Variants in CLEC9A observed in about 807,000 individuals in gnomAD.
The protein encoded by CLEC9A is C-type lectin domain containing 9A.
A neutral mutation model predicts 30.0 loss-of-function variants in CLEC9A; 24 were observed. The observed-to-expected ratio is 0.80, with a 90% CI of 0.58 to 1.13. The LOEUF is 1.13. Among genes scored for constraint, CLEC9A ranks in the 50% most tolerant of loss-of-function variants. CLEC9A has a pLI of 0.00. For missense variants in CLEC9A, 251 were observed against 280.9 expected (o/e 0.89, Z 0.76); for synonymous variants, 111 against 96.8 (o/e 1.15, Z -0.86).
intron 6 of CLEC9A, 90 bp from the exon 7 acceptor site, chr12:10,062,965 C>T (rs1198949300): frequency 8.7e-7 from 1 of 1,154,234 alleles, no homozygotes; most frequent in Admixed American, 2.7e-5. Flanking sequence ...GATTCAGCCT[C>T]ACTGAGGGTG....
At chr12:10,044,924 C>T (rs531748979) in intron 2 of CLEC9A, among the ~76,000 whole-genome samples, 1 of 152,292 alleles carries the variant, frequency 6.6e-6, no homozygotes, top group Admixed American at 6.5e-5. Context: ...TATTCCTTGT[C>T]CTCTCGTGAT....
At chr12:10,048,793 A>T (rs1400525324) in intron 2 of CLEC9A, among the ~76,000 whole-genome samples, 1 of 151,516 alleles carries the variant, frequency 6.6e-6, no homozygotes, top group African/African-American at 2.5e-5. Flanking sequence ...TCTCAAAGTC[A>T]TCCATGAGGG....
chr12:10,049,155 G>T (rs1333412644), intron 2 of CLEC9A, among the ~76,000 whole-genome samples: 1 of 151,002 alleles, frequency 6.6e-6, no homozygotes, highest in Non-Finnish European at 1.5e-5. Flanking sequence ...AAAAAAAAAG[G>T]TTTTTTTTTC....
rs1865993618 is a variant in CLEC9A at position 10,061,189 on chromosome 12, C to G, written c.235C>G (p.Leu79Val). 2 of 1,613,314 alleles carry G rather than the reference C, an allele frequency of 1.2e-6. No individual in the cohort carries two copies. The highest frequency in any genetic ancestry group is 2.2e-5 in the South Asian group (2 of 90,946). ...QEKLIQQERA[L>V]LNFTEWKRSC... ...AAAACTCATCCAACAAGAGAGGGCACTGCTAAACTTTACAGAATGGAAGAG... is the reference window on the plus strand; with the variant it reads ...AAAACTCATCCAACAAGAGAGGGCAGTGCTAAACTTTACAGAATGGAAGAG... Residue 79 changes from leucine to valine, a missense_variant, in exon 6 of 9, where the codon CTG becomes GTG. Coordinates refer to ENST00000355819, the MANE Select transcript of CLEC9A (RefSeq NM_207345.4).
chr12:10,052,889 G>A, intron 4 of CLEC9A, 111 bp downstream of exon 4: 1 of 1,252,076 alleles, frequency 8.0e-7, no homozygotes, highest in Non-Finnish European at 1.1e-6. Context: ...ATCTACCTAA[G>A]GGTACTGTAA....
chr12:10,052,878 A>C, intron 4 of CLEC9A, 100 bp downstream of exon 4: 3 of 1,328,994 alleles, frequency 2.3e-6, no homozygotes, highest in Non-Finnish European at 3.1e-6. Context: ...AATCCGAGAT[A>C]ATCTACCTAA....
chr12:10,047,696 A>G (rs1417421049), intron 2 of CLEC9A, among the ~76,000 whole-genome samples: 1 of 152,236 alleles, frequency 6.6e-6, no homozygotes, highest in Non-Finnish European at 1.5e-5. Context: ...TGCATATACA[A>G]GTGATATTTG....
intron 4 of CLEC9A, among the ~76,000 whole-genome samples, chr12:10,053,258 G>T (rs1337139496): frequency 6.6e-6 from 1 of 152,110 alleles, no homozygotes; most frequent in East Asian, 1.9e-4. Context: ...CAGACTTAGG[G>T]GATTAACAGA....
At chr12:10,063,602 C>G (rs1866016022) in intron 7 of CLEC9A, among the ~76,000 whole-genome samples, 1 of 151,962 alleles carries the variant, frequency 6.6e-6, no homozygotes, top group Non-Finnish European at 1.5e-5. Flanking sequence ...TTGTAATTAT[C>G]AAGAAAAAAC....
intron 5 of CLEC9A, among the ~76,000 whole-genome samples, chr12:10,060,033 A>C (rs1356878337): frequency 6.6e-6 from 1 of 152,278 alleles, no homozygotes; most frequent in East Asian, 1.9e-4. Flanking sequence ...CATGGCTAAA[A>C]TAACAATAAG....
intron 8 of CLEC9A, 72 bp from the exon 9 acceptor site, chr12:10,065,428 T>G (rs542286375): frequency 1.3e-6 from 2 of 1,576,316 alleles, no homozygotes; most frequent in Non-Finnish European, 1.7e-6. Flanking sequence ...TACACACCTC[T>G]CATTAGTTAC....
intron 4 of CLEC9A, among the ~76,000 whole-genome samples, chr12:10,053,746 T>A (rs1222018567): frequency 7.3e-6 from 1 of 137,332 alleles, no homozygotes; most frequent in Non-Finnish European, 1.5e-5. Context: ...CACATATTCC[T>A]TTTTTTTTTC....
intron 4 of CLEC9A, among the ~76,000 whole-genome samples, chr12:10,053,736 C>T (rs930348005): frequency 3.3e-5 from 5 of 151,584 alleles, no homozygotes; most frequent in African/African-American, 4.8e-5. Context: ...TACAAAAAAT[C>T]ACATATTCCT....
chr12:10,047,014 T>C (rs1053156996), intron 2 of CLEC9A, among the ~76,000 whole-genome samples: 4 of 152,154 alleles, frequency 2.6e-5, no homozygotes, highest in African/African-American at 9.7e-5. Context: ...TCAATAAGTG[T>C]GTTACTCTTA....
intron 1 of CLEC9A, among the ~76,000 whole-genome samples, chr12:10,032,602 A>C (rs1865709410): frequency 6.6e-6 from 1 of 152,146 alleles, no homozygotes; most frequent in South Asian, 2.1e-4. Flanking sequence ...CGTGTTAGCC[A>C]GGATGGTCTC....
At chr12:10,065,061 T>C (rs1444573130) in intron 8 of CLEC9A, among the ~76,000 whole-genome samples, 1 of 152,232 alleles carries the variant, frequency 6.6e-6, no homozygotes, top group African/African-American at 2.4e-5. Context: ...TATTATCTTA[T>C]AGAAAATTCA....
At chr12:10,044,186 G>A (rs1168171976) in intron 2 of CLEC9A, among the ~76,000 whole-genome samples, 2 of 152,088 alleles carry the variant, frequency 1.3e-5, no homozygotes, top group Non-Finnish European at 2.9e-5. Context: ...AGGCAAATAG[G>A]CTGTTAGCAC....
At chr12:10,043,297 T>C (rs936964108) in intron 2 of CLEC9A, 1 of 244,812 alleles carries the variant, frequency 4.1e-6, no homozygotes, top group African/African-American at 2.3e-5. Flanking sequence ...AAGTGGGAGA[T>C]GGCTCAGTTC....
chr12:10,044,123 A>T (rs1211123578), intron 2 of CLEC9A, among the ~76,000 whole-genome samples: 2 of 152,200 alleles, frequency 1.3e-5, no homozygotes, highest in Non-Finnish European at 2.9e-5. Flanking sequence ...ATTGGGGTTC[A>T]CAAGATAATT....
Sources: gnomAD v4.1 joint callset for allele counts (sites outside exome capture counted in the v4.1 genomes callset) on GRCh38, gnomAD v4.1.1 for gene constraint, MANE v1.5 for transcripts, NCBI Gene and HGNC (gene_info 2026-07-23, HGNC 2026-07-21) for gene names.